The following POLE variants were observed in gnomAD, a reference collection of about 807,000 sequenced individuals.
The protein encoded by POLE is DNA polymerase epsilon, catalytic subunit.
POLE carries 188 observed loss-of-function variants against 279.2 expected under a neutral mutation model. The observed-to-expected ratio is 0.67, with a 90% confidence interval of 0.60 to 0.76. The LOEUF (loss-of-function observed/expected upper bound fraction) is 0.76. POLE is among the 30% of genes least tolerant of loss of function. The pLI is 0.00. For synonymous variants in POLE, 1,214 were observed against 1,172.5 expected (o/e 1.04, Z -0.72); for missense variants, 2,703 against 3,016.7 (o/e 0.90, Z 2.44).
chr12:132,665,582 G>T, intron 20 of POLE, 132 bp from the exon 21 acceptor site: 1 of 977,454 alleles, frequency 1.0e-6, no homozygotes, highest in Admixed American at 2.8e-5. Flanking sequence ...GTACAATGAA[G>T]AGTGTACATT....
chr12:132,643,226 T>G lies in POLE; in HGVS notation c.4549A>C (p.Thr1517Pro), dbSNP rs1161811592. The G allele has an allele frequency of 1.2e-6, 2 of 1,612,494 alleles. No individual in the cohort carries two copies. The highest frequency in any genetic ancestry group is 1.7e-6 in the Non-Finnish European group (2 of 1,178,968). ...QRRASVFVLD[T>P]VRSNQMPSLG... Reference sequence around the variant, plus strand: ...GCCATGGAGGGCCCAGGACTCACAGTGTCCAGCACAAAGACGGATGCCCTG... The same window carrying G: ...GCCATGGAGGGCCCAGGACTCACAGGGTCCAGCACAAAGACGGATGCCCTG... Residue 1517 changes from threonine (T) to proline (P), a missense_variant and splice_region_variant, in exon 35 of 49, where the codon ACT (threonine) becomes CCT (proline). This residue lies in a region of POLE where 1,551 missense variants were observed against 1,686.1 expected (regional missense o/e 0.92). Coordinates refer to ENST00000320574, the MANE Select transcript of POLE (RefSeq NM_006231.4).
chr12:132,642,627 T>C lies in POLE; in HGVS notation c.4831A>G (p.Ile1611Val), dbSNP rs551368454. The change falls in exon 37 of 49, where the codon ATC becomes GTC. Residue 1611 changes from isoleucine (I) to valine (V), a missense_variant. Ile to Val is a conservative substitution (Grantham distance 29). Around this residue, in one of 5 missense-constraint regions of POLE, gnomAD observed 1,551 missense variants for 1,686.1 expected, o/e 0.92. Transcript: ENST00000320574. ...TAGTTGATCTTGTCAGCCACACAGATAGGCACCAGTGGGAATTCCTCCAAG... is the reference window on the plus strand; with the variant it reads ...TAGTTGATCTTGTCAGCCACACAGACAGGCACCAGTGGGAATTCCTCCAAG... ...PVLEEFPLVP[I>V]CVADKINYGV... The C allele has an allele frequency of 3.7e-6, 6 of 1,613,448 alleles. No individual in the cohort carries two copies. Among genetic ancestry groups the C allele is most frequent in the East Asian group, 2.2e-5 (1 of 44,880 alleles).
Position 132,624,663 on chromosome 12 carries a change from C to T in POLE, c.*34G>A, listed in dbSNP as rs2041792093. 8.1e-7 allele frequency: 1 copy of T among 1,233,854 alleles called. No homozygotes were observed. The highest frequency in any genetic ancestry group is 1.5e-5 in the African/African-American group (1 of 67,672). 76.4% of individuals were successfully genotyped at this position (1,233,854 alleles called of 1,614,324 possible). ...GTGGCCTTGGCATCAGGAGGCCTGG[C>T]ACGGACGCAGAGGCACCCGGGGCCC... On this transcript the variant is annotated 3_prime_UTR_variant, in exon 49 of 49. Transcript: ENST00000320574.
rs2042734239 is a variant in POLE at position 132,663,998 on chromosome 12, A to C, written c.2706+6T>G. ...AGAGCTTCAGGACCAGAGGCCCCAGACTCACCTTGACCATGATGTTCAACA... is the reference window on the plus strand; with the variant it reads ...AGAGCTTCAGGACCAGAGGCCCCAGCCTCACCTTGACCATGATGTTCAACA... On this transcript the variant is annotated splice_donor_region_variant and intron_variant, in intron 23 of 48. Coordinates refer to ENST00000320574, the MANE Select transcript of POLE (RefSeq NM_006231.4). The C allele has an allele frequency of 6.2e-7, 1 of 1,613,612 alleles. No homozygotes were observed. The highest frequency in any genetic ancestry group is 8.5e-7 in the Non-Finnish European group (1 of 1,179,990).
chr12:132,631,284 T>G (rs2041928226), intron 45 of POLE, among the ~76,000 whole-genome samples: 1 of 152,102 alleles, frequency 6.6e-6, no homozygotes, highest in Non-Finnish European at 1.5e-5. Flanking sequence ...CTAAAGGGTG[T>G]CAGGTGAGGA....
chr12:132,672,543 G>A (rs899089370), intron 15 of POLE, 84 bp downstream of exon 15: 29 of 1,405,238 alleles, frequency 2.1e-5, no homozygotes, highest in Non-Finnish European at 2.6e-5. Flanking sequence ...TGGGGAGAAG[G>A]GGCTTTATTT....
Position 132,675,944 on chromosome 12 carries a change from C to A in POLE, c.1021-124G>T. 1.0e-6 allele frequency: 1 copy of A among 952,980 alleles called. No homozygotes were observed. Among genetic ancestry groups the A allele is most frequent in the Non-Finnish European group, 1.6e-6 (1 of 607,686 alleles). The allele number at this position is 952,980 out of a possible 1,614,324, so 59.0% of individuals were successfully genotyped here. On this transcript the variant is annotated intron_variant, in intron 10 of 48. Coordinates refer to ENST00000320574, the MANE Select transcript of POLE (RefSeq NM_006231.4). This position sits in a 1 kb window ranked among gnomAD's most constrained non-coding sequence, Gnocchi z 4.3. Reference sequence around the variant, plus strand: ...CCCTTATTCCTGCCCCGCCCCTCCGCCCGTCTCTGGCAGAAAAGACGGTCA... The same window carrying A: ...CCCTTATTCCTGCCCCGCCCCTCCGACCGTCTCTGGCAGAAAAGACGGTCA...
chr12:132,648,663 C>T, intron 32 of POLE: 1 of 388,642 alleles, frequency 2.6e-6, no homozygotes, highest in Non-Finnish European at 4.6e-6. Flanking sequence ...AGTTCACAAT[C>T]TCTAACCAAT....
intron 32 of POLE, among the ~76,000 whole-genome samples, chr12:132,645,342 G>A (rs963697724): frequency 2.3e-5 from 3 of 129,524 alleles, no homozygotes; most frequent in Admixed American, 7.9e-5. Flanking sequence ...AGGGCTGGGG[G>A]AATCCTGGAG....
At chr12:132,625,542 C>T (rs2041818439) in intron 47 of POLE, 103 bp downstream of exon 47, 4 of 1,455,526 alleles carry the variant, frequency 2.7e-6, no homozygotes, top group Admixed American at 1.7e-5. Context: ...TTGGAAGACA[C>T]CAGGGCGTGC....
In POLE at chr12:132,635,101, G is replaced by A. The variant is rs530341557; in HGVS notation, c.5812-723C>T. ...AGTCCACTATGAGGGCCCCTGTGGA[G>A]GACACAGGCCTCCTCTCAACCCACC... On this transcript the variant is annotated intron_variant, in intron 42 of 48. Transcript: ENST00000320574. Among the ~76,000 whole-genome samples the A allele has an allele frequency of 3.9e-5, 6 of 152,204 alleles. No homozygotes were observed. The South Asian group carries it at 8.3e-4, about 21-fold the overall frequency.
rs2043040507 is a variant in POLE, at chr12:132,675,935, GCCC to G, written c.1021-118_1021-116del. On this transcript the variant is annotated intron_variant, in intron 10 of 48. Coordinates refer to ENST00000320574, the MANE Select transcript of POLE (RefSeq NM_006231.4). This position sits in a 1 kb window ranked among gnomAD's most constrained non-coding sequence, Gnocchi z 4.3. ...TCATGTTGGCCCTTATTCCTGCCCC[GCCC>G]CTCCGCCCGTCTCTGGCAGAAAAGA... 1.0e-6 allele frequency: 1 copy of G among 958,162 alleles called. No individual in the cohort carries two copies. Among genetic ancestry groups the G allele is most frequent in the Non-Finnish European group, 1.6e-6 (1 of 611,172 alleles). The allele number at this position is 958,162 out of a possible 1,614,324, so 59.4% of individuals were successfully genotyped here. A position where few individuals can be genotyped will look rare whatever the true frequency, so the allele number is the denominator to read the frequency against.
At chr12:132,653,136 T>C (rs1001248711) in intron 29 of POLE, among the ~76,000 whole-genome samples, 7 of 152,144 alleles carry the variant, frequency 4.6e-5, no homozygotes, top group Non-Finnish European at 1.0e-4. Flanking sequence ...TCCCAGTGCT[T>C]TGGGGGGGGC....
chr12:132,680,527 C>T, intron 3 of POLE, 80 bp downstream of exon 3: 1 of 1,152,130 alleles, frequency 8.7e-7, no homozygotes, highest in South Asian at 1.3e-5. Context: ...CTGGAAGCCT[C>T]CCATGCCCTC....
intron 16 of POLE, among the ~76,000 whole-genome samples, chr12:132,671,767 T>C (rs900101716): frequency 5.3e-5 from 8 of 149,698 alleles, no homozygotes; most frequent in African/African-American, 2.0e-4. Flanking sequence ...CCCTCTCCAG[T>C]CACATAACAC....
intron 41 of POLE, among the ~76,000 whole-genome samples, chr12:132,636,272 C>T (rs1365017391): frequency 3.3e-5 from 5 of 151,946 alleles, no homozygotes; most frequent in African/African-American, 1.2e-4. Flanking sequence ...GGGGATGGCC[C>T]ACAGGGTGTT....
chr12:132,653,564 A>G (rs1355056374), intron 29 of POLE, among the ~76,000 whole-genome samples: 1 of 152,260 alleles, frequency 6.6e-6, no homozygotes, highest in African/African-American at 2.4e-5. Context: ...TGAAATACAT[A>G]TAAGTTAACA....
rs569771132 is a variant in POLE at position 132,675,303 on chromosome 12, C to T, written c.1226+95G>A. 1.5e-4 allele frequency: 224 copies of T among 1,494,396 alleles called. 2 individuals carry two copies. The South Asian group carries it at 2.7e-3, about 18-fold the overall frequency. 92.6% of individuals were successfully genotyped at this position (1,494,396 alleles called of 1,614,324 possible). ...AAACGGCCTCTCGGAGGCCACCCTC[C>T]TCCCATGAGATGTGGTGACAGCACA... On this transcript the variant is annotated intron_variant, in intron 12 of 48. Transcript: ENST00000320574. The surrounding 1 kb of genome is among the most constrained non-coding windows in gnomAD (Gnocchi z 4.3).
intron 45 of POLE, among the ~76,000 whole-genome samples, chr12:132,627,937 CTTCT>C (rs565473397): frequency 6.6e-4 from 101 of 152,358 alleles, no homozygotes; most frequent in Non-Finnish European, 7.6e-4. Context: ...CACAGTAGAA[CTTCT>C]TTCAAAATTG....
Sources: allele counts gnomAD v4.1 joint callset (sites outside exome capture counted in the v4.1 genomes callset), GRCh38; gene constraint gnomAD v4.1.1; regional missense constraint gnomAD v4.1.1; non-coding constraint Gnocchi (gnomAD v3.1); transcripts MANE v1.5; gene names NCBI Gene and HGNC (gene_info 2026-07-23, HGNC 2026-07-21).